Variants in DTNA observed in about 807,000 individuals in gnomAD.
The protein encoded by DTNA is dystrobrevin alpha.
A neutral mutation model predicts 100.7 loss-of-function variants in DTNA; 43 were observed. That is an observed-to-expected ratio of 0.43 (90% CI 0.33 to 0.55). The LOEUF (loss-of-function observed/expected upper bound fraction) is 0.55, where lower values mean the gene tolerates loss of function less well. Among genes scored for constraint, DTNA ranks in the 20% least tolerant of loss-of-function variants. DTNA has a pLI of 0.04. For missense variants in DTNA, 798 were observed against 953.9 expected, an observed-to-expected ratio of 0.84 and a Z score of 2.15; for synonymous variants, 349 against 347.9, an observed-to-expected ratio of 1.00 and a Z score of -0.04.
intron 1 of DTNA, among the ~76,000 whole-genome samples, chr18:34,623,576 G>C (rs963875571): frequency 6.6e-6 from 1 of 152,166 alleles, no homozygotes; most frequent in African/African-American, 2.4e-5. Context: ...AGTAACTACA[G>C]TTAGAACACA....
At chr18:34,509,464 TTCCACATGCAGATAAATTCTGCCTCCTCC>T (rs1161197264) in intron 1 of DTNA, among the ~76,000 whole-genome samples, 1 of 152,120 alleles carries the variant, frequency 6.6e-6, no homozygotes, top group Non-Finnish European at 1.5e-5. Context: ...GTGATTTTTT[TTCCACATGCAGATAAATTCTGCCTCCTCC>T]TTTTAACCCA....
intron 17 of DTNA, among the ~76,000 whole-genome samples, chr18:34,864,711 A>G (rs1391609106): frequency 2.6e-5 from 4 of 152,232 alleles, no homozygotes; most frequent in African/African-American, 9.6e-5. Context: ...ATTCTGATTA[A>G]ATTAAGAGGA....
intron 1 of DTNA, among the ~76,000 whole-genome samples, chr18:34,598,482 T>C (rs1245727936): frequency 6.6e-6 from 1 of 152,228 alleles, no homozygotes; most frequent in Non-Finnish European, 1.5e-5. Flanking sequence ...TGGGTTGTTT[T>C]CAAATCACAG....
intron 1 of DTNA, among the ~76,000 whole-genome samples, chr18:34,739,597 C>A (rs1475328544): frequency 6.6e-6 from 1 of 152,158 alleles, no homozygotes; most frequent in Admixed American, 6.5e-5. Context: ...CCTCCGCAAT[C>A]CCTGACACTC....
At chr18:34,669,230 C>A (rs1452849070) in intron 1 of DTNA, among the ~76,000 whole-genome samples, 1 of 152,126 alleles carries the variant, frequency 6.6e-6, no homozygotes, top group African/African-American at 2.4e-5. Flanking sequence ...TCTGTTTTAT[C>A]AGAGACTAGG....
chr18:34,549,582 GTTCCATAGTTACATCCTAC>G (rs2045181843), intron 1 of DTNA, among the ~76,000 whole-genome samples: 1 of 151,826 alleles, frequency 6.6e-6, no homozygotes, highest in Non-Finnish European at 1.5e-5. Context: ...ATGTTGCTTT[GTTCCATAGTTACATCCTAC>G]TTGTAATTCA....
At chr18:34,844,555 A>AACTAATAATGCTTTCTCGGGT (rs139792130) in intron 13 of DTNA, among the ~76,000 whole-genome samples, 1 of 151,986 alleles carries the variant, frequency 6.6e-6, no homozygotes. Flanking sequence ...CATTTGAGTT[A>AACTAATAATGCTTTCTCGGGT]ACTAATCCTC....
chr18:34,717,531 G>C (rs1255370612), intron 1 of DTNA, among the ~76,000 whole-genome samples: 1 of 152,060 alleles, frequency 6.6e-6, no homozygotes, highest in East Asian at 1.9e-4. Flanking sequence ...CTGTAGTTTT[G>C]TTTGCTTAAG....
At chr18:34,709,610 C>T (rs544628165), upstream of DTNA, 2 of 152,324 alleles carry the variant, frequency 1.3e-5, no homozygotes, top group Admixed American at 6.5e-5. Flanking sequence ...GACTGCTGCT[C>T]TTAATATAGA....
At chr18:34,782,971 A>G (rs1282775481) in intron 3 of DTNA, among the ~76,000 whole-genome samples, 14 of 152,240 alleles carry the variant, frequency 9.2e-5, no homozygotes, top group Admixed American at 9.2e-4. Flanking sequence ...TGATAAGACC[A>G]CATTAAAGAT....
chr18:34,495,483 G>A (rs1458417111), intron 1 of DTNA, among the ~76,000 whole-genome samples: 1 of 152,172 alleles, frequency 6.6e-6, no homozygotes, highest in African/African-American at 2.4e-5. Flanking sequence ...AATTTCATAG[G>A]TTATTAGTCT....
intron 1 of DTNA, among the ~76,000 whole-genome samples, chr18:34,606,173 G>A (rs1044137621): frequency 5.9e-5 from 9 of 152,008 alleles, no homozygotes; most frequent in South Asian, 2.1e-4. Context: ...GTATTTGCAT[G>A]CATTATTTTG....
intron 1 of DTNA, among the ~76,000 whole-genome samples, chr18:34,539,583 T>C (rs1421555028): frequency 6.6e-6 from 1 of 151,986 alleles, no homozygotes; most frequent in Non-Finnish European, 1.5e-5. Context: ...TGGGATTCCA[T>C]CTCTGTTAAC....
intron 1 of DTNA, among the ~76,000 whole-genome samples, chr18:34,624,560 T>A (rs1333052634): frequency 6.6e-6 from 1 of 152,206 alleles, no homozygotes; most frequent in Non-Finnish European, 1.5e-5. Flanking sequence ...GTATAATCAA[T>A]GTTAACTGTG....
chr18:34,607,769 G>T (rs2147389331), intron 1 of DTNA, among the ~76,000 whole-genome samples: 1 of 152,182 alleles, frequency 6.6e-6, no homozygotes, highest in East Asian at 1.9e-4. Context: ...TCTGGGTTTT[G>T]CTGGAAATTG....
chr18:34,780,469 G>T (rs1260166319), intron 3 of DTNA, among the ~76,000 whole-genome samples: 2 of 152,152 alleles, frequency 1.3e-5, no homozygotes, highest in Non-Finnish European at 2.9e-5. Context: ...GCCCTAAGCA[G>T]CTTACTTTCT....
intron 1 of DTNA, among the ~76,000 whole-genome samples, chr18:34,520,860 G>A (rs1474251799): frequency 1.3e-5 from 2 of 152,068 alleles, no homozygotes; most frequent in Non-Finnish European, 2.9e-5. Context: ...AACATGTGCT[G>A]ATAGATGTTT....
intron 1 of DTNA, among the ~76,000 whole-genome samples, chr18:34,666,161 C>T (rs956082221): frequency 4.6e-5 from 7 of 152,022 alleles, no homozygotes; most frequent in Non-Finnish European, 7.4e-5. Flanking sequence ...TTTGCATTTC[C>T]CTGATGGCCA....
intron 1 of DTNA, among the ~76,000 whole-genome samples, chr18:34,530,000 T>A (rs2042993529): frequency 6.6e-6 from 1 of 152,158 alleles, no homozygotes; most frequent in African/African-American, 2.4e-5. Context: ...AATACATAGA[T>A]ATGATAGTGT....
Sources: allele counts gnomAD v4.1 joint callset (sites outside exome capture counted in the v4.1 genomes callset), GRCh38; gene constraint gnomAD v4.1.1; transcripts MANE v1.5; gene names NCBI Gene and HGNC (gene_info 2026-07-23, HGNC 2026-07-21).